MTDH: variants seen among roughly 807,000 people sequenced by gnomAD.
The protein encoded by MTDH is protein LYRIC.
In MTDH, 34 loss-of-function variants were observed where a neutral mutation model predicts 72.7. The ratio of observed to expected loss-of-function variants is 0.47; its 90% CI spans 0.36 to 0.62. The LOEUF is 0.62. Among genes scored for constraint, MTDH ranks in the 20% least tolerant of loss-of-function variants. The pLI is 0.00. For missense variants in MTDH, 677 were observed against 699.4 expected (o/e 0.97, Z 0.36); for synonymous variants, 266 against 268.9 (o/e 0.99, Z 0.10).
chr8:97,672,465 A>G (rs1281246335), intron 2 of MTDH, among the ~76,000 whole-genome samples: 1 of 152,206 alleles, frequency 6.6e-6, no homozygotes, highest in Non-Finnish European at 1.5e-5. Context: ...CACCCAAGGA[A>G]TTAGTTTTCA....
Position 97,644,451 on chromosome 8 carries a change from C to G in MTDH, c.-56C>G, listed in dbSNP as rs1181104656. 4 of 1,520,516 alleles carry G rather than the reference C, an allele frequency of 2.6e-6. No homozygotes were observed. The Admixed American group carries it at 6.2e-5, about 23-fold the overall frequency. The allele number at this position is 1,520,516 out of a possible 1,614,324, so 94.2% of individuals were successfully genotyped here. ...CCCTTCCTCGCTTCCCTCGACTATT[C>G]CACTGCGTCTCCGCGCCCCGGCGTC... is the stretch of plus-strand genomic sequence containing the variant. On this transcript the variant is annotated 5_prime_UTR_variant, in exon 1 of 12. Coordinates refer to ENST00000336273, the MANE Select transcript of MTDH (RefSeq NM_178812.4).
chr8:97,660,933 A>G, intron 1 of MTDH, 139 bp from the exon 2 acceptor site: 1 of 446,462 alleles, frequency 2.2e-6, no homozygotes. Flanking sequence ...ACTCTTAGAT[A>G]ACATTGGTGT....
At chr8:97,686,311 C>A (rs1199908420) in intron 2 of MTDH, among the ~76,000 whole-genome samples, 1 of 152,140 alleles carries the variant, frequency 6.6e-6, no homozygotes, top group African/African-American at 2.4e-5. Flanking sequence ...GCCAGACAGA[C>A]CTAGTTCCTA....
chr8:97,655,127 G>A (rs1206341092), intron 1 of MTDH, among the ~76,000 whole-genome samples: 1 of 152,162 alleles, frequency 6.6e-6, no homozygotes, highest in African/African-American at 2.4e-5. Context: ...TGAAATTCCA[G>A]TGTTTGTCCA....
In MTDH at chr8:97,644,732, G is replaced by T. The variant is rs1313589266; in HGVS notation, c.226G>T (p.Ala76Ser). Reference protein sequence around the residue: ...LLGYGWAAACAGARKKRRSPP... With the variant: ...LLGYGWAAACSGARKKRRSPP... ...GGGCTACGGCTGGGCCGCGGCTTGC[G>T]CCGGCGCCCGCAAAAAGCGGAGGAG... Residue 76 changes from alanine (A) to serine (S), a missense_variant, in exon 1 of 12, where the codon GCC (alanine) becomes TCC (serine). Coordinates refer to ENST00000336273, the MANE Select transcript of MTDH (RefSeq NM_178812.4). 3 of 1,578,644 alleles carry T rather than the reference G, an allele frequency of 1.9e-6. No individual in the cohort carries two copies. Among genetic ancestry groups the T allele is most frequent in the Non-Finnish European group, 2.6e-6 (3 of 1,168,716 alleles).
chr8:97,656,619 T>C (rs957373003), intron 1 of MTDH, among the ~76,000 whole-genome samples: 4 of 151,756 alleles, frequency 2.6e-5, no homozygotes, highest in African/African-American at 7.3e-5. Flanking sequence ...ATACTTCTTA[T>C]TCTGAACTTT....
chr8:97,672,996 G>A (rs1812692157), intron 2 of MTDH, among the ~76,000 whole-genome samples: 1 of 152,060 alleles, frequency 6.6e-6, no homozygotes, highest in Non-Finnish European at 1.5e-5. Flanking sequence ...TTGAGTGGAG[G>A]GACCGAATAA....
At chr8:97,689,198 G>A in intron 5 of MTDH, 95 bp downstream of exon 5, 1 of 610,994 alleles carries the variant, frequency 1.6e-6, no homozygotes. Context: ...CAGAAGGAAA[G>A]AAAAAAGTCT....
chr8:97,683,160 A>C (rs1322874637), intron 2 of MTDH, among the ~76,000 whole-genome samples: 1 of 139,442 alleles, frequency 7.2e-6, no homozygotes, highest in East Asian at 2.2e-4. Flanking sequence ...TGCCTCCCAG[A>C]TTCAAGCGAT....
At chr8:97,693,408 A>G (rs971753060) in intron 6 of MTDH, among the ~76,000 whole-genome samples, 1 of 151,942 alleles carries the variant, frequency 6.6e-6, no homozygotes, top group Non-Finnish European at 1.5e-5. Context: ...ATCTCAGCTC[A>G]CTGCAACCTC....
At chr8:97,708,121 C>G (rs1480692511) in intron 8 of MTDH, among the ~76,000 whole-genome samples, 1 of 151,962 alleles carries the variant, frequency 6.6e-6, no homozygotes, top group Non-Finnish European at 1.5e-5. Context: ...GCACCTGCCA[C>G]CATGCCCGGC....
chr8:97,691,154 G>T lies in MTDH; in HGVS notation c.1014G>T (p.Arg338Ser), dbSNP rs1229530086. The T allele has an allele frequency of 1.9e-6, 3 of 1,612,208 alleles. No homozygotes were observed. The highest frequency in any genetic ancestry group is 2.5e-6 in the Non-Finnish European group (3 of 1,179,046). ...ATACAAATGGAAAAGACTGGGGAAG[G>T]AGTTGGAGTGACCGTTCAATATTTT... ...DANTNGKDWGRSWSDRSIFSG... is the reference protein window; with the variant it reads ...DANTNGKDWGSSWSDRSIFSG... The change falls in exon 6 of 12, where the codon AGG (arginine) becomes AGT (serine). Residue 338 changes from arginine (R) to serine (S), a missense_variant. Physicochemically the swap from Arg to Ser is moderately radical, Grantham distance 110. Transcript: ENST00000336273.
At chr8:97,662,773 G>A (rs902804059) in intron 2 of MTDH, among the ~76,000 whole-genome samples, 85 of 149,776 alleles carry the variant, frequency 5.7e-4, no homozygotes, top group African/African-American at 2.0e-3. Context: ...GCGAAAGAGC[G>A]AGACTCTGTC....
At position 97,727,762 on chromosome 8, in the gene MTDH, C is replaced by T. The variant is rs1027063562; in HGVS notation, c.*3092C>T. 16 of 152,154 alleles carry T rather than the reference C, an allele frequency of 1.1e-4. No homozygotes were observed. The highest frequency in any genetic ancestry group is 2.2e-4 in the Non-Finnish European group (15 of 68,040). The allele number at this position is 152,154 out of a possible 1,614,324, so 9.4% of individuals were successfully genotyped here. A position where few individuals can be genotyped will look rare whatever the true frequency, so the allele number is the denominator to read the frequency against. ...CCCTAATCCAGCCTGTCTCCACATA[C>T]ATACTGAAAATTCTTCCCTACTCTG... On this transcript the variant is annotated 3_prime_UTR_variant, in exon 12 of 12. Coordinates refer to ENST00000336273, the MANE Select transcript of MTDH (RefSeq NM_178812.4).
intron 6 of MTDH, among the ~76,000 whole-genome samples, chr8:97,698,579 A>C (rs1174527905): frequency 6.6e-6 from 1 of 152,214 alleles, no homozygotes; most frequent in East Asian, 1.9e-4. Flanking sequence ...TGTTTTCTTT[A>C]AATGCACTTG....
At chr8:97,702,906 C>A (rs1341289217) in intron 7 of MTDH, among the ~76,000 whole-genome samples, 1 of 152,202 alleles carries the variant, frequency 6.6e-6, no homozygotes, top group Non-Finnish European at 1.5e-5. Context: ...AAATTCCTTA[C>A]CCTTTTGAAA....
intron 2 of MTDH, among the ~76,000 whole-genome samples, chr8:97,663,733 A>G (rs1289549661): frequency 1.5e-5 from 2 of 137,278 alleles, no homozygotes; most frequent in African/African-American, 5.8e-5. Context: ...TGGGCGACAG[A>G]GCAAGACTCT....
At chr8:97,644,922 G>A in intron 1 of MTDH, 35 bp downstream of exon 1, 1 of 1,498,818 alleles carries the variant, frequency 6.7e-7, no homozygotes, top group Non-Finnish European at 8.8e-7. Context: ...GAGAACGGGC[G>A]AAGGGCGGGC....
chr8:97,698,482 A>G (rs1389231434), intron 6 of MTDH, among the ~76,000 whole-genome samples: 3 of 152,230 alleles, frequency 2.0e-5, no homozygotes, highest in Non-Finnish European at 2.9e-5. Context: ...TCAGGTTCCT[A>G]AAAGACTATG....
Sources: allele counts gnomAD v4.1 joint callset (sites outside exome capture counted in the v4.1 genomes callset), GRCh38; gene constraint gnomAD v4.1.1; transcripts MANE v1.5; gene names NCBI Gene and HGNC (gene_info 2026-07-23, HGNC 2026-07-21).